Variants in RPH3A observed in about 807,000 individuals in gnomAD.
The protein encoded by RPH3A is rabphilin 3A.
In RPH3A, 48 loss-of-function variants were observed where a neutral mutation model predicts 102.2. The observed-to-expected ratio is 0.47, with a 90% CI of 0.37 to 0.60. The LOEUF (loss-of-function observed/expected upper bound fraction) is 0.60. Among genes scored for constraint, RPH3A ranks in the 20% least tolerant of loss-of-function variants. The pLI is 0.00. For synonymous variants in RPH3A, 310 were observed against 324.3 expected (o/e 0.96, Z 0.47); for missense variants, 781 against 910.1 (o/e 0.86, Z 1.83).
intron 1 of RPH3A, among the ~76,000 whole-genome samples, chr12:112,752,278 A>G (rs1236985472): frequency 6.6e-6 from 1 of 152,210 alleles, no homozygotes; most frequent in Non-Finnish European, 1.5e-5. Context: ...TATGGCTCAT[A>G]GAAAGGATTT....
intron 1 of RPH3A, among the ~76,000 whole-genome samples, chr12:112,658,985 G>A (rs2040032188): frequency 1.3e-5 from 2 of 152,190 alleles, no homozygotes; most frequent in Admixed American, 1.3e-4. Context: ...CATATCTCAT[G>A]TAGTAGATAG....
chr12:112,730,984 G>C (rs2040629374), intron 1 of RPH3A, among the ~76,000 whole-genome samples: 1 of 152,210 alleles, frequency 6.6e-6, no homozygotes, highest in Non-Finnish European at 1.5e-5. Context: ...TGAACAGAAA[G>C]GGGGACATTG....
intron 1 of RPH3A, among the ~76,000 whole-genome samples, chr12:112,737,862 G>T (rs1016500036): frequency 6.6e-6 from 1 of 152,192 alleles, no homozygotes; most frequent in Non-Finnish European, 1.5e-5. Context: ...ACTGTTGCTG[G>T]TCTGTGAGGA....
chr12:112,777,124 C>T (rs967424660), intron 1 of RPH3A, among the ~76,000 whole-genome samples: 2 of 152,142 alleles, frequency 1.3e-5, no homozygotes, highest in Non-Finnish European at 2.9e-5. Context: ...CTACCACACT[C>T]ATCTATTTAT....
chr12:112,761,124 C>T (rs2040852484), intron 1 of RPH3A, among the ~76,000 whole-genome samples: 4 of 151,922 alleles, frequency 2.6e-5, no homozygotes, highest in Non-Finnish European at 1.5e-5. Flanking sequence ...ACTTATATGC[C>T]CTGTGAACTC....
chr12:112,617,494 C>T (rs192833866), intron 1 of RPH3A, among the ~76,000 whole-genome samples: 41 of 152,286 alleles, frequency 2.7e-4, no homozygotes, highest in Non-Finnish European at 3.1e-4. Flanking sequence ...ATTTATTCCC[C>T]AGATACTTAC....
Position 112,876,682 on chromosome 12 carries a change from A to G in RPH3A, c.987A>G (p.Arg329=). 1 of 1,612,718 alleles carries G rather than the reference A, an allele frequency of 6.2e-7. No homozygotes were observed. Among genetic ancestry groups the G allele is most frequent in the Non-Finnish European group, 8.5e-7 (1 of 1,179,494 alleles). The change falls in exon 13 of 22, where the codon CGA becomes CGG. Residue 329 remains arginine (R), a synonymous_variant. Transcript: ENST00000389385. ...PSDPGTTAPP[R]EERTGGVGGY... ...ACCCTGGGACCACTGCCCCACCCCGAGAGGAGAGAACAGGGGGAGTCGGGG... is the reference window on the plus strand; with the variant it reads ...ACCCTGGGACCACTGCCCCACCCCGGGAGGAGAGAACAGGGGGAGTCGGGG...
chr12:112,715,213 T>G (rs1380823934), intron 1 of RPH3A, among the ~76,000 whole-genome samples: 2 of 152,226 alleles, frequency 1.3e-5, no homozygotes, highest in Non-Finnish European at 2.9e-5. Context: ...TAGAGCACCC[T>G]TTCTCCAGGT....
intron 19 of RPH3A, among the ~76,000 whole-genome samples, chr12:112,891,680 C>G (rs563468435): frequency 6.6e-6 from 1 of 152,276 alleles, no homozygotes; most frequent in Non-Finnish European, 1.5e-5. Context: ...GTAAGGCCAC[C>G]AGGGAGTCCT....
At chr12:112,642,419 A>G (rs1391347124) in intron 1 of RPH3A, among the ~76,000 whole-genome samples, 1 of 152,236 alleles carries the variant, frequency 6.6e-6, no homozygotes, top group African/African-American at 2.4e-5. Context: ...TATAACAAAT[A>G]CATTTTTAGT....
intron 1 of RPH3A, among the ~76,000 whole-genome samples, chr12:112,741,965 A>G (rs1351836106): frequency 6.6e-6 from 1 of 152,190 alleles, no homozygotes; most frequent in African/African-American, 2.4e-5. Context: ...TACCACCTGT[A>G]TATAAGCAGT....
At chr12:112,676,383 G>C (rs975757557) in intron 1 of RPH3A, among the ~76,000 whole-genome samples, 5 of 152,182 alleles carry the variant, frequency 3.3e-5, no homozygotes, top group Non-Finnish European at 7.3e-5. Flanking sequence ...TGGGTGCAAG[G>C]GCTCTTGGCC....
Position 112,781,189 on chromosome 12 carries a change from C to T in RPH3A, c.-139-10954C>T, listed in dbSNP as rs536258344. On this transcript the variant is annotated intron_variant, in intron 1 of 21. Coordinates refer to the RPH3A transcript ENST00000543106. ...AAACAAAACAAAACAAACAAAAAAA[C>T]CAAAACAACAACAACAACAACAACA... 9.4e-3 allele frequency among the ~76,000 whole-genome samples: 769 copies of T among 81,678 alleles called. 1 individual carries two copies. The highest frequency in any genetic ancestry group is 0.015 in the Non-Finnish European group (579 of 37,938). 53.6% of individuals were successfully genotyped at this position (81,678 alleles called of 152,430 possible).
At chr12:112,606,142 G>C (rs233715) in intron 1 of RPH3A, among the ~76,000 whole-genome samples, 70,192 of 151,924 alleles carry the variant, frequency 0.46, 20,638 homozygotes, top group African/African-American at 0.81. Context: ...TATGTACTGT[G>C]CTACATGAGC....
chr12:112,700,432 C>G (rs2040385256), intron 1 of RPH3A, among the ~76,000 whole-genome samples: 1 of 152,168 alleles, frequency 6.6e-6, no homozygotes, highest in Non-Finnish European at 1.5e-5. Context: ...CCCACTATAT[C>G]TTCACTCCTA....
intron 1 of RPH3A, among the ~76,000 whole-genome samples, chr12:112,578,026 C>T (rs2039371657): frequency 6.6e-6 from 1 of 152,210 alleles, no homozygotes; most frequent in Non-Finnish European, 1.5e-5. Flanking sequence ...CTCTTCCCCT[C>T]TGAGTTATAA....
At chr12:112,636,064 A>G (rs1309499114) in intron 1 of RPH3A, among the ~76,000 whole-genome samples, 2 of 152,224 alleles carry the variant, frequency 1.3e-5, no homozygotes, top group Non-Finnish European at 2.9e-5. Context: ...TCTCTAATAT[A>G]GCAATCTGGG....
chr12:112,787,136 G>A (rs1185535168), upstream of RPH3A, among the ~76,000 whole-genome samples: 1 of 152,044 alleles, frequency 6.6e-6, no homozygotes, highest in Non-Finnish European at 1.5e-5. Context: ...AAGGACCCTT[G>A]TGATTACATT....
At chr12:112,621,532 TC>T (rs1196215250) in intron 1 of RPH3A, among the ~76,000 whole-genome samples, 25 of 146,846 alleles carry the variant, frequency 1.7e-4, no homozygotes, top group Non-Finnish European at 3.0e-4. Context: ...CGAGACTATA[TC>T]CCACACCTGG....
Sources: allele counts gnomAD v4.1 joint callset (sites outside exome capture counted in the v4.1 genomes callset), GRCh38; gene constraint gnomAD v4.1.1; transcripts MANE v1.5; gene names NCBI Gene and HGNC (gene_info 2026-07-23, HGNC 2026-07-21).